The following MINDY3 variants were observed in gnomAD, a reference collection of about 807,000 sequenced individuals.
The protein encoded by MINDY3 is ubiquitin carboxyl-terminal hydrolase MINDY-3.
Under a neutral mutation model 69.2 loss-of-function variants are expected in MINDY3, and 38 were observed. That is an observed-to-expected ratio of 0.55 (90% confidence interval 0.42 to 0.72). The LOEUF is 0.72. MINDY3 is among the 30% of genes least tolerant of loss of function. The pLI is 0.00. For missense variants in MINDY3, 522 were observed against 519.0 expected (o/e 1.01, Z -0.06); for synonymous variants, 192 against 180.1 (o/e 1.07, Z -0.53).
At chr10:15,840,968 A>G (rs1165150566) in intron 4 of MINDY3, among the ~76,000 whole-genome samples, 1 of 151,612 alleles carries the variant, frequency 6.6e-6, no homozygotes, top group Non-Finnish European at 1.5e-5. Context: ...AAATATCCAA[A>G]TAATTCGGAA....
intron 10 of MINDY3, 87 bp downstream of exon 10, chr10:15,816,748 T>G: frequency 1.1e-6 from 1 of 919,628 alleles, no homozygotes; most frequent in Admixed American, 2.1e-5. Context: ...AGACTGAAGT[T>G]TGCACAAAGA....
At chr10:15,820,967 A>G (rs1268359943) in intron 9 of MINDY3, among the ~76,000 whole-genome samples, 1 of 152,210 alleles carries the variant, frequency 6.6e-6, no homozygotes, top group African/African-American at 2.4e-5. Context: ...TTTTTTAATG[A>G]AAAAGAAAAC....
At chr10:15,784,175 A>C (rs2131828993) in intron 13 of MINDY3, among the ~76,000 whole-genome samples, 1 of 152,328 alleles carries the variant, frequency 6.6e-6, no homozygotes, top group East Asian at 1.9e-4. Context: ...TGGGGAAGAT[A>C]ATAGTATGGT....
At chr10:15,835,779 T>A (rs1395876581) in intron 6 of MINDY3, among the ~76,000 whole-genome samples, 1 of 152,120 alleles carries the variant, frequency 6.6e-6, no homozygotes, top group African/African-American at 2.4e-5. Flanking sequence ...TTCTCTTATT[T>A]ATTTACATTT....
chr10:15,849,518 A>C (rs908227416), intron 1 of MINDY3, among the ~76,000 whole-genome samples: 1 of 151,884 alleles, frequency 6.6e-6, no homozygotes, highest in Non-Finnish European at 1.5e-5. Context: ...ATCCCTATAG[A>C]GATGATGCTG....
At chr10:15,849,810 CCTT>C (rs1834147531) in intron 1 of MINDY3, among the ~76,000 whole-genome samples, 1 of 152,118 alleles carries the variant, frequency 6.6e-6, no homozygotes, top group Admixed American at 6.5e-5. Flanking sequence ...CAAAACAAAA[CCTT>C]AAGATTCCAC....
intron 10 of MINDY3, among the ~76,000 whole-genome samples, chr10:15,811,323 C>T (rs1588563542): frequency 6.6e-6 from 1 of 152,000 alleles, no homozygotes; most frequent in Non-Finnish European, 1.5e-5. Context: ...CATATTTAAT[C>T]GCTGAGACCT....
chr10:15,789,461 A>AC, intron 11 of MINDY3, 142 bp from the exon 12 acceptor site: 1 of 582,170 alleles, frequency 1.7e-6, no homozygotes, highest in Non-Finnish European at 3.0e-6. Flanking sequence ...TATTTTAGGC[A>AC]TAGTGCCTAT....
At chr10:15,824,047 T>A (rs1839936380) in intron 8 of MINDY3, among the ~76,000 whole-genome samples, 1 of 152,214 alleles carries the variant, frequency 6.6e-6, no homozygotes, top group South Asian at 2.1e-4. Flanking sequence ...GACACTTAGG[T>A]TGATTCCCTA....
At chr10:15,814,829 A>T (rs1053230451) in intron 10 of MINDY3, among the ~76,000 whole-genome samples, 1 of 152,154 alleles carries the variant, frequency 6.6e-6, no homozygotes, top group African/African-American at 2.4e-5. Flanking sequence ...CATAAAAAGA[A>T]GGGCCTATTT....
intron 10 of MINDY3, among the ~76,000 whole-genome samples, chr10:15,810,445 A>T: frequency 6.6e-6 from 1 of 152,194 alleles, no homozygotes; most frequent in South Asian, 2.1e-4. Context: ...ATTCAATAAT[A>T]CGGGTGGTTT....
chr10:15,797,120 G>C (rs1052982034), intron 10 of MINDY3, among the ~76,000 whole-genome samples: 4 of 151,994 alleles, frequency 2.6e-5, no homozygotes, highest in Admixed American at 6.6e-5. Context: ...CTTCTTAACT[G>C]TTGTTCTAAT....
chr10:15,797,912 T>G (rs2131890125), intron 10 of MINDY3, among the ~76,000 whole-genome samples: 1 of 152,254 alleles, frequency 6.6e-6, no homozygotes. Flanking sequence ...TCTAACACAT[T>G]TTTCTTTTTC....
chr10:15,828,710 C>G (rs1242769590), intron 8 of MINDY3, among the ~76,000 whole-genome samples: 1 of 151,928 alleles, frequency 6.6e-6, no homozygotes, highest in Non-Finnish European at 1.5e-5. Context: ...TTTCTTATAG[C>G]TAAAAATGGA....
At chr10:15,837,561 T>A in intron 5 of MINDY3, 1 of 1,408,582 alleles carries the variant, frequency 7.1e-7, no homozygotes, top group Non-Finnish European at 9.4e-7. Context: ...AACCTCTTCA[T>A]CTCTTAGGTG....
Position 15,789,273 on chromosome 10 carries a change from T to C in MINDY3, c.1002A>G (p.Ala334=), listed in dbSNP as rs1837230947. 2.5e-6 allele frequency: 4 copies of C among 1,611,774 alleles called. No homozygotes were observed. Among genetic ancestry groups the C allele is most frequent in the Non-Finnish European group, 3.4e-6 (4 of 1,178,600 alleles). The change falls in exon 12 of 15, where the codon GCA becomes GCG. Residue 334 remains alanine, a synonymous_variant. Transcript: ENST00000277632. ...PDSLLEDVMK[A]LDLVSDPEYI... is the part of the protein sequence containing the mutation. ...ATTCAGGATCTGAAACAAGGTCCAA[T>C]GCTTTCATCACATCTTCCAGAAGTG... is the stretch of plus-strand genomic sequence containing the variant.
chr10:15,831,595 G>GAAACTGAT (rs1840461238), intron 8 of MINDY3, among the ~76,000 whole-genome samples: 1 of 151,432 alleles, frequency 6.6e-6, no homozygotes, highest in South Asian at 2.1e-4. Context: ...CTCAAGAACC[G>GAAACTGAT]AAACTGATAA....
intron 7 of MINDY3, among the ~76,000 whole-genome samples, chr10:15,834,209 C>T (rs1832927538): frequency 6.6e-6 from 1 of 151,616 alleles, no homozygotes; most frequent in Admixed American, 6.6e-5. Flanking sequence ...GTTTTTCTCC[C>T]AAGCAGAGAA....
At chr10:15,817,189 C>A (rs1401788506) in intron 9 of MINDY3, 4 of 288,278 alleles carry the variant, frequency 1.4e-5, no homozygotes, top group Non-Finnish European at 2.5e-5. Flanking sequence ...CCCTAAGAGT[C>A]ATTCTCAGGT....
Sources: allele counts gnomAD v4.1 joint callset (sites outside exome capture counted in the v4.1 genomes callset), GRCh38; gene constraint gnomAD v4.1.1; transcripts MANE v1.5; gene names NCBI Gene and HGNC (gene_info 2026-07-23, HGNC 2026-07-21).